PLXNA4: variants seen among roughly 807,000 people sequenced by gnomAD.
The protein encoded by PLXNA4 is plexin-A4.
Under a neutral mutation model 191.8 loss-of-function variants are expected in PLXNA4, and 44 were observed. That is an observed-to-expected ratio of 0.23 (90% CI 0.18 to 0.29). The LOEUF is 0.29. Ranked by LOEUF, PLXNA4 falls within the 10% of genes least tolerant of loss-of-function variation. PLXNA4 has a pLI of 1.00. For synonymous variants in PLXNA4, 1,082 were observed against 1,009.5 expected, an observed-to-expected ratio of 1.07 and a Z score of -1.36; for missense variants, 1,800 against 2,488.8, an observed-to-expected ratio of 0.72 and a Z score of 5.89.
chr7:132,642,741 TA>T (rs971711345), intron 2 of PLXNA4, among the ~76,000 whole-genome samples: 45 of 152,224 alleles, frequency 3.0e-4, no homozygotes, highest in African/African-American at 1.0e-3. Flanking sequence ...GTTTCATCCA[TA>T]AGGGGCTGGT....
Position 132,179,853 on chromosome 7 carries a change from C to G in PLXNA4, c.3708G>C (p.Leu1236=). ...VYIAPDSPLS[L]PAIVSIAVAG... ...CCACTGCGATGCTGACGATGGCGGG[C>G]AGGCTGAGCGGGCTGTCCGGGGCAA... The change falls in exon 20 of 32, where the codon CTG becomes CTC. Residue 1236 remains leucine, a synonymous_variant. Coordinates refer to ENST00000321063, the MANE Select transcript of PLXNA4 (RefSeq NM_020911.2). 1 of 1,613,386 alleles carries G rather than the reference C, an allele frequency of 6.2e-7. No individual in the cohort carries two copies. The highest frequency in any genetic ancestry group is 8.5e-7 in the Non-Finnish European group (1 of 1,179,938).
chr7:132,185,288 C>T lies in PLXNA4; in HGVS notation c.3158+11G>A. The T allele has an allele frequency of 1.2e-6, 2 of 1,607,832 alleles. No homozygotes were observed. Among genetic ancestry groups the T allele is most frequent in the Admixed American group, 1.7e-5 (1 of 59,508 alleles). On this transcript the variant is annotated intron_variant, in intron 16 of 31. Transcript: ENST00000321063. ...GCAGAAGCATTAAGGTCCGCTTGGG[C>T]CAGCTCCTACCTGACAATGCTCCAT...
intron 4 of PLXNA4, among the ~76,000 whole-genome samples, chr7:132,281,203 A>G (rs1188440289): frequency 2.6e-5 from 4 of 152,208 alleles, no homozygotes; most frequent in African/African-American, 9.6e-5. Flanking sequence ...ATTTATTTCC[A>G]TACTTTGTTT....
At chr7:132,362,056 G>C (rs1002747020) in intron 3 of PLXNA4, among the ~76,000 whole-genome samples, 3 of 152,112 alleles carry the variant, frequency 2.0e-5, no homozygotes, top group African/African-American at 7.2e-5. Flanking sequence ...TAATAAGAGA[G>C]GGTTTCCAAG....
chr7:132,260,361 G>T (rs754355845), intron 4 of PLXNA4, among the ~76,000 whole-genome samples: 1 of 152,150 alleles, frequency 6.6e-6, no homozygotes, highest in South Asian at 2.1e-4. Flanking sequence ...TTACAGCCAC[G>T]TGGATGCAAC....
chr7:132,174,530 A>G (rs761469780), intron 21 of PLXNA4, among the ~76,000 whole-genome samples: 3 of 152,110 alleles, frequency 2.0e-5, no homozygotes, highest in East Asian at 1.9e-4. Context: ...AACTACTTCC[A>G]TTCAATTCTG....
chr7:132,482,073 C>T (rs1455027999), intron 3 of PLXNA4, among the ~76,000 whole-genome samples: 3 of 152,170 alleles, frequency 2.0e-5, no homozygotes, highest in Non-Finnish European at 4.4e-5. Flanking sequence ...GTTCAAGTCC[C>T]CTCAATGGCT....
intron 10 of PLXNA4, among the ~76,000 whole-genome samples, chr7:132,206,864 C>T (rs748076391): frequency 3.3e-5 from 5 of 152,114 alleles, no homozygotes; most frequent in Admixed American, 6.5e-5. Flanking sequence ...AGTTAATCTG[C>T]ACAAAGCTCA....
intron 2 of PLXNA4, among the ~76,000 whole-genome samples, chr7:132,602,479 A>G (rs2116841805): frequency 6.6e-6 from 1 of 152,214 alleles, no homozygotes; most frequent in South Asian, 2.1e-4. Context: ...AGTTTCTCAG[A>G]GTGTTCTGCT....
At chr7:132,203,540 GC>G in intron 10 of PLXNA4, 121 bp from the exon 11 acceptor site, 2 of 816,126 alleles carry the variant, frequency 2.5e-6, no homozygotes, top group Non-Finnish European at 4.1e-6. Context: ...CCAAGACTGT[GC>G]TTGTGTGCAT....
At chr7:132,524,885 A>T (rs1038567021) in intron 1 of PLXNA4, among the ~76,000 whole-genome samples, 3 of 152,168 alleles carry the variant, frequency 2.0e-5, no homozygotes, top group Non-Finnish European at 4.4e-5. Context: ...TTCAAAAAAA[A>T]CATATTAACA....
At chr7:132,587,724 G>C (rs914948768) in intron 2 of PLXNA4, among the ~76,000 whole-genome samples, 2 of 151,908 alleles carry the variant, frequency 1.3e-5, no homozygotes, top group Non-Finnish European at 2.9e-5. Flanking sequence ...GGCCAAGGGT[G>C]GGACGAAGGG....
chr7:132,512,963 G>A (rs1343841182), intron 1 of PLXNA4, among the ~76,000 whole-genome samples: 3 of 152,200 alleles, frequency 2.0e-5, no homozygotes, highest in African/African-American at 4.8e-5. Flanking sequence ...TAACCTTCAC[G>A]ATTGCCCCAA....
At chr7:132,398,819 CA>C (rs1330947811) in intron 3 of PLXNA4, among the ~76,000 whole-genome samples, 1 of 152,168 alleles carries the variant, frequency 6.6e-6, no homozygotes, top group African/African-American at 2.4e-5. Flanking sequence ...GGCTGATGAG[CA>C]GGTGTCATTG....
At position 132,222,436 on chromosome 7, in the gene PLXNA4, G is replaced by C. The variant is rs373287037; in HGVS notation, c.2097+1091C>G. 1.1e-4 allele frequency among the ~76,000 whole-genome samples: 16 copies of C among 152,334 alleles called. No homozygotes were observed. In the East Asian group the frequency reaches 1.4e-3, roughly 13 times the overall value. On this transcript the variant is annotated intron_variant, in intron 9 of 31. Transcript: ENST00000321063. Reference sequence around the variant, plus strand: ...TGAGTCTGGGATGGGGAGGGCACTTGATGGGCCTGTGTGTTCTCTCAATGC... The same window carrying C: ...TGAGTCTGGGATGGGGAGGGCACTTCATGGGCCTGTGTGTTCTCTCAATGC...
chr7:132,297,140 G>C (rs983681714), intron 4 of PLXNA4, among the ~76,000 whole-genome samples: 7 of 152,156 alleles, frequency 4.6e-5, no homozygotes, highest in Admixed American at 4.6e-4. Flanking sequence ...GGGTCCTCCA[G>C]AGAGTTCAGG....
intron 3 of PLXNA4, among the ~76,000 whole-genome samples, chr7:132,403,424 G>A (rs1268603200): frequency 6.6e-6 from 1 of 152,184 alleles, no homozygotes; most frequent in African/African-American, 2.4e-5. Context: ...CCTAAAACCA[G>A]GCAGGCAGGT....
intron 1 of PLXNA4, among the ~76,000 whole-genome samples, chr7:132,509,323 G>A (rs938342674): frequency 1.3e-5 from 2 of 152,170 alleles, no homozygotes; most frequent in African/African-American, 4.8e-5. Context: ...GGCCGTAGAG[G>A]TGGTAACAGA....
intron 14 of PLXNA4, among the ~76,000 whole-genome samples, chr7:132,188,966 AAGGAAAGGAAAGGAAAGGAAAGGAAAGG>A (rs1796970973): frequency 1.7e-5 from 1 of 59,420 alleles, no homozygotes; most frequent in Non-Finnish European, 4.3e-5. Context: ...AAGGAAAGGA[AAGGAAAGGAAAGGAAAGGAAAGGAAAGG>A]AGAGAGAGAG....
Sources: allele counts gnomAD v4.1 joint callset (sites outside exome capture counted in the v4.1 genomes callset), GRCh38; gene constraint gnomAD v4.1.1; transcripts MANE v1.5; gene names NCBI Gene and HGNC (gene_info 2026-07-23, HGNC 2026-07-21).